Variants in PDE4D observed in about 807,000 individuals in gnomAD.
PDE4D encodes 3',5'-cyclic-AMP phosphodiesterase 4D.
Under a neutral mutation model 87.4 loss-of-function variants are expected in PDE4D, and 24 were observed. The ratio of observed to expected loss-of-function variants is 0.27; its 90% CI spans 0.20 to 0.39. The LOEUF is 0.39. Ranked by LOEUF, PDE4D falls within the 10% of genes least tolerant of loss-of-function variation. PDE4D has a pLI of 1.00. For missense variants in PDE4D, 714 were observed against 1,041.0 expected, an observed-to-expected ratio of 0.69 and a Z score of 4.32; for synonymous variants, 384 against 383.2, an observed-to-expected ratio of 1.00 and a Z score of -0.02.
intron 1 of PDE4D, among the ~76,000 whole-genome samples, chr5:59,518,177 G>A (rs1260895368): frequency 7.1e-6 from 1 of 140,936 alleles, no homozygotes; most frequent in Non-Finnish European, 1.5e-5. Flanking sequence ...AAGTATATAT[G>A]TATGTACTTG....
chr5:59,588,402 G>T (rs1825492254), intron 1 of PDE4D, among the ~76,000 whole-genome samples: 1 of 152,150 alleles, frequency 6.6e-6, no homozygotes, highest in African/African-American at 2.4e-5. Context: ...AATGGACTTT[G>T]CAGTAGAAGT....
chr5:59,240,403 G>C (rs1386834733), intron 1 of PDE4D, among the ~76,000 whole-genome samples: 1 of 152,134 alleles, frequency 6.6e-6, no homozygotes, highest in African/African-American at 2.4e-5. Context: ...ACACGAAATA[G>C]AATGCTCCAA....
At chr5:59,132,878 C>G (rs13176291) in intron 5 of PDE4D, among the ~76,000 whole-genome samples, 1 of 151,954 alleles carries the variant, frequency 6.6e-6, no homozygotes, top group Admixed American at 6.6e-5. Flanking sequence ...GATTTGACAA[C>G]GGTAACAAGT....
At chr5:59,810,480 T>A (rs903701760) in intron 1 of PDE4D, among the ~76,000 whole-genome samples, 1 of 152,262 alleles carries the variant, frequency 6.6e-6, no homozygotes, top group African/African-American at 2.4e-5. Context: ...TCGTTTCTAC[T>A]GGGAACTTAT....
intron 1 of PDE4D, among the ~76,000 whole-genome samples, chr5:59,547,619 C>A (rs953238165): frequency 2.6e-5 from 4 of 152,034 alleles, no homozygotes; most frequent in African/African-American, 9.7e-5. Flanking sequence ...AATATGTGGT[C>A]ATCTGATATT....
At chr5:59,353,361 ATT>A (rs33953218) in intron 1 of PDE4D, among the ~76,000 whole-genome samples, 14,814 of 147,392 alleles carry the variant, frequency 0.1, 787 homozygotes, top group Middle Eastern at 0.14. Flanking sequence ...GTTTTTCCCC[ATT>A]TTTTTTTTTT....
intron 1 of PDE4D, among the ~76,000 whole-genome samples, chr5:60,284,303 T>C (rs915370369): frequency 1.3e-5 from 2 of 152,288 alleles, no homozygotes; most frequent in South Asian, 2.1e-4. Context: ...CCTGTATTTC[T>C]GCTATTATTA....
At chr5:60,242,549 T>C (rs1043154571) in intron 1 of PDE4D, among the ~76,000 whole-genome samples, 5 of 152,132 alleles carry the variant, frequency 3.3e-5, no homozygotes, top group Non-Finnish European at 7.4e-5. Flanking sequence ...CCTCAGCACA[T>C]GGATCATTCT....
At chr5:59,786,665 A>G (rs1413420888) in intron 1 of PDE4D, among the ~76,000 whole-genome samples, 2 of 152,246 alleles carry the variant, frequency 1.3e-5, no homozygotes, top group Non-Finnish European at 2.9e-5. Flanking sequence ...AAAGTACATG[A>G]ACATTTCCTC....
chr5:59,653,999 A>T (rs1270324158), intron 1 of PDE4D, among the ~76,000 whole-genome samples: 1 of 152,064 alleles, frequency 6.6e-6, no homozygotes. Context: ...TAAGCCCAGG[A>T]GTTCAAGCCC....
intron 6 of PDE4D, among the ~76,000 whole-genome samples, chr5:59,003,966 TAAA>T (rs35092276): frequency 4.9e-4 from 72 of 147,312 alleles, no homozygotes; most frequent in Non-Finnish European, 8.3e-4. Flanking sequence ...CCCCCTCCTT[TAAA>T]AAAAAAAAAA....
At chr5:59,225,745 C>CT (rs1481412085) in intron 1 of PDE4D, among the ~76,000 whole-genome samples, 1 of 143,140 alleles carries the variant, frequency 7.0e-6, no homozygotes, top group Non-Finnish European at 1.5e-5. Context: ...AACCATATAT[C>CT]TGATATGGTA....
chr5:59,299,955 CAA>C (rs1370841862), intron 1 of PDE4D, among the ~76,000 whole-genome samples: 1 of 151,742 alleles, frequency 6.6e-6, no homozygotes, highest in Non-Finnish European at 1.5e-5. Context: ...ACAAAAAATA[CAA>C]AAAAATTAGC....
intron 1 of PDE4D, among the ~76,000 whole-genome samples, chr5:59,785,283 G>A (rs1765056413): frequency 6.6e-6 from 1 of 152,134 alleles, no homozygotes; most frequent in Non-Finnish European, 1.5e-5. Flanking sequence ...TCCCAATTTT[G>A]AGTAAACCTA....
At chr5:60,030,294 C>CA (rs1448928434) in intron 2 of PDE4D, among the ~76,000 whole-genome samples, 1 of 151,658 alleles carries the variant, frequency 6.6e-6, no homozygotes, top group African/African-American at 2.4e-5. Context: ...ACTAAAAATA[C>CA]AAAAAATTAG....
intron 1 of PDE4D, among the ~76,000 whole-genome samples, chr5:59,419,593 T>G (rs1424240095): frequency 2.6e-5 from 4 of 152,332 alleles, no homozygotes; most frequent in African/African-American, 9.6e-5. Context: ...GAAAGCTGAA[T>G]AGAAAAAGGT....
At chr5:59,515,110 CT>C (rs1810935075) in intron 1 of PDE4D, among the ~76,000 whole-genome samples, 1 of 152,128 alleles carries the variant, frequency 6.6e-6, no homozygotes, top group East Asian at 1.9e-4. Flanking sequence ...AATTATTCAA[CT>C]AAACAACCAT....
intron 1 of PDE4D, among the ~76,000 whole-genome samples, chr5:59,840,530 G>A (rs1165111628): frequency 1.3e-5 from 2 of 152,010 alleles, no homozygotes; most frequent in Admixed American, 1.3e-4. Context: ...AGTATGTCTG[G>A]TGTTGGCTGA....
At position 60,279,953 on chromosome 5, in the gene PDE4D, T is replaced by G. The variant is rs1305550081; in HGVS notation, c.-89-94266A>C. On this transcript the variant is annotated intron_variant, in intron 1 of 16. Transcript: ENST00000502484. Reference sequence around the variant, plus strand: ...CCTCGGCCTCCCAAAGTGCTGGGATTACAGGCGTGAGCCACCACACTCAGC... The same window carrying G: ...CCTCGGCCTCCCAAAGTGCTGGGATGACAGGCGTGAGCCACCACACTCAGC... Among the ~76,000 whole-genome samples the G allele has an allele frequency of 2.0e-5, 3 of 152,262 alleles. No homozygotes were observed. The East Asian group carries it at 5.8e-4, about 29-fold the overall frequency.
Sources: gnomAD v4.1 joint callset for allele counts (sites outside exome capture counted in the v4.1 genomes callset) on GRCh38, gnomAD v4.1.1 for gene constraint, MANE v1.5 for transcripts, NCBI Gene and HGNC (gene_info 2026-07-23, HGNC 2026-07-21) for gene names.